The following THSD4 variants were observed in gnomAD, a reference collection of about 807,000 sequenced individuals.
The protein encoded by THSD4 is thrombospondin type-1 domain-containing protein 4.
THSD4 carries 69 observed loss-of-function variants against 119.0 expected under a neutral mutation model. That is an observed-to-expected ratio of 0.58 (90% CI 0.48 to 0.71). The LOEUF is 0.71. Among genes scored for constraint, THSD4 ranks in the 30% least tolerant of loss-of-function variants. The probability of loss-of-function intolerance (pLI) is 0.00; values close to 1 mark genes in which losing one functional copy is unlikely to be tolerated. For missense variants in THSD4, 1,393 were observed against 1,391.1 expected, an observed-to-expected ratio of 1.00 and a Z score of -0.02; for synonymous variants, 524 against 540.4, an observed-to-expected ratio of 0.97 and a Z score of 0.42.
chr15:71,492,820 G>A (rs1409623947), intron 7 of THSD4, among the ~76,000 whole-genome samples: 1 of 151,930 alleles, frequency 6.6e-6, no homozygotes, highest in Non-Finnish European at 1.5e-5. Context: ...CCTAGTAGCA[G>A]GAATCGATTT....
chr15:71,311,729 A>G (rs1264241532), intron 6 of THSD4, among the ~76,000 whole-genome samples: 1 of 152,204 alleles, frequency 6.6e-6, no homozygotes, highest in Non-Finnish European at 1.5e-5. Flanking sequence ...TGGCACCACC[A>G]TCTACCCATT....
At chr15:71,630,589 T>C (rs1232612443) in intron 7 of THSD4, among the ~76,000 whole-genome samples, 1 of 152,146 alleles carries the variant, frequency 6.6e-6, no homozygotes, top group Non-Finnish European at 1.5e-5. Context: ...TATTCAAGCA[T>C]GAAGTCTGTA....
chr15:71,177,758 G>A (rs1247100642), intron 3 of THSD4, among the ~76,000 whole-genome samples: 53 of 131,790 alleles, frequency 4.0e-4, no homozygotes, highest in African/African-American at 1.4e-3. Context: ...CTGGCAAACC[G>A]AATCCAGCAG....
chr15:71,432,276 T>G (rs899505958), intron 7 of THSD4, among the ~76,000 whole-genome samples: 1 of 152,222 alleles, frequency 6.6e-6, no homozygotes, highest in African/African-American at 2.4e-5. Context: ...AGTTCAAGGT[T>G]GAAAAGACTT....
chr15:71,454,298 T>C (rs1172442139), intron 7 of THSD4, among the ~76,000 whole-genome samples: 3 of 152,198 alleles, frequency 2.0e-5, no homozygotes, highest in East Asian at 3.8e-4. Context: ...CTTTCCTCTC[T>C]TGCACCTCTA....
At chr15:71,250,893 G>C (rs543870397) in intron 5 of THSD4, among the ~76,000 whole-genome samples, 2 of 152,082 alleles carry the variant, frequency 1.3e-5, no homozygotes, top group East Asian at 3.9e-4. Context: ...CCTCTCCCTA[G>C]GAGAACATTA....
In THSD4 at chr15:71,777,243, A is replaced by G. The variant is rs982092846; in HGVS notation, c.2926A>G (p.Lys976Glu). Residue 976 changes from lysine (K) to glutamate (E), a missense_variant, in exon 18 of 18, where the codon AAG becomes GAG. By Grantham distance (56) the Lys-to-Glu change is moderately conservative. Transcript: ENST00000261862. The part of the protein sequence containing the change: ...DCVPEVDENC[K>E]DKYYNCNVVV... Reference sequence around the variant, plus strand: ...CTCTTTCGCTACAGATGAAAACTGCAAGGACAAGTACTACAACTGCAACGT... The same window carrying G: ...CTCTTTCGCTACAGATGAAAACTGCGAGGACAAGTACTACAACTGCAACGT... 1.3e-5 allele frequency: 21 copies of G among 1,614,082 alleles called. No homozygotes were observed. Among genetic ancestry groups the G allele is most frequent in the Non-Finnish European group, 1.7e-5 (20 of 1,180,026 alleles).
At chr15:71,640,962 C>T (rs575048038) in intron 7 of THSD4, among the ~76,000 whole-genome samples, 1 of 146,368 alleles carries the variant, frequency 6.8e-6, no homozygotes, top group South Asian at 2.2e-4. Context: ...TAGATCTTTC[C>T]TTCAAAACCC....
At chr15:71,480,270 T>G (rs1334768915) in intron 7 of THSD4, among the ~76,000 whole-genome samples, 1 of 152,144 alleles carries the variant, frequency 6.6e-6, no homozygotes, top group Non-Finnish European at 1.5e-5. Context: ...ACTCCTGAGC[T>G]CAAGCGATCT....
intron 7 of THSD4, among the ~76,000 whole-genome samples, chr15:71,566,149 TTTTTTTC>T (rs1400993955): frequency 3.2e-5 from 1 of 30,940 alleles, no homozygotes. Flanking sequence ...TTTCTTTTTC[TTTTTTTC>T]TTTTTTTTTT....
chr15:71,458,891 A>G (rs2047375399), intron 7 of THSD4, among the ~76,000 whole-genome samples: 1 of 152,126 alleles, frequency 6.6e-6, no homozygotes. Context: ...AAACTTATTT[A>G]CCCTTTAAAA....
intron 8 of THSD4, among the ~76,000 whole-genome samples, chr15:71,677,152 T>C (rs1050425568): frequency 5.3e-5 from 8 of 152,202 alleles, no homozygotes; most frequent in African/African-American, 1.9e-4. Flanking sequence ...TAGGCACCAA[T>C]GGTCAGCTCT....
chr15:71,544,264 G>A (rs1020813092), intron 7 of THSD4, among the ~76,000 whole-genome samples: 3 of 152,154 alleles, frequency 2.0e-5, no homozygotes, highest in Non-Finnish European at 4.4e-5. Context: ...GCCACCTACC[G>A]CTGTGTGACA....
intron 3 of THSD4, among the ~76,000 whole-genome samples, chr15:71,168,439 T>G (rs1202945280): frequency 6.6e-6 from 1 of 152,222 alleles, no homozygotes; most frequent in Non-Finnish European, 1.5e-5. Flanking sequence ...ACTTTTTTTT[T>G]GTTAACTTTT....
chr15:71,112,663 C>T (rs748904513), upstream of THSD4, among the ~76,000 whole-genome samples: 20 of 152,274 alleles, frequency 1.3e-4, no homozygotes, highest in Non-Finnish European at 8.8e-5. Flanking sequence ...CACAGGCTAG[C>T]CTTTGACTGT....
chr15:71,518,748 T>C (rs1209644728), intron 7 of THSD4, among the ~76,000 whole-genome samples: 1 of 152,126 alleles, frequency 6.6e-6, no homozygotes, highest in Non-Finnish European at 1.5e-5. Flanking sequence ...AGTCAATAAA[T>C]TGTCAGAGCT....
chr15:71,105,930 T>C (rs528583779), intron 1 of THSD4, among the ~76,000 whole-genome samples: 9 of 152,264 alleles, frequency 5.9e-5, no homozygotes, highest in African/African-American at 2.2e-4. Context: ...GCTTGAATGA[T>C]TGGGAAGATG....
chr15:71,287,667 G>T (rs980219941), intron 6 of THSD4, among the ~76,000 whole-genome samples: 1 of 152,170 alleles, frequency 6.6e-6, no homozygotes, highest in Non-Finnish European at 1.5e-5. Flanking sequence ...GCTGAAAATC[G>T]TCTTGCACAG....
At chr15:71,569,244 T>C (rs2049302472) in intron 7 of THSD4, among the ~76,000 whole-genome samples, 2 of 152,182 alleles carry the variant, frequency 1.3e-5, no homozygotes, top group South Asian at 4.1e-4. Flanking sequence ...CTTTCTTTGC[T>C]ATTTGATTTC....
Sources: allele counts gnomAD v4.1 joint callset (sites outside exome capture counted in the v4.1 genomes callset), GRCh38; gene constraint gnomAD v4.1.1; transcripts MANE v1.5; gene names NCBI Gene and HGNC (gene_info 2026-07-23, HGNC 2026-07-21).